Variants in RIPOR1 observed in about 807,000 individuals in gnomAD.
RIPOR1 encodes rho family-interacting cell polarization regulator 1.
A neutral mutation model predicts 116.5 loss-of-function variants in RIPOR1; 58 were observed. That is an observed-to-expected ratio of 0.50 (90% confidence interval 0.40 to 0.62). RIPOR1 has a LOEUF of 0.62. Among genes scored for constraint, RIPOR1 ranks in the 20% least tolerant of loss-of-function variants. The pLI, the probability that RIPOR1 is intolerant of heterozygous loss-of-function variation, is 0.00. For missense variants in RIPOR1, 1,372 were observed against 1,586.2 expected (o/e 0.86, Z 2.29); for synonymous variants, 605 against 650.0 (o/e 0.93, Z 1.05).
chr16:67,519,338 G>A (rs1306528594), intron 1 of RIPOR1, among the ~76,000 whole-genome samples: 3 of 151,838 alleles, frequency 2.0e-5, no homozygotes, highest in Non-Finnish European at 4.4e-5. Context: ...AGGTAGGGAA[G>A]GCAGGGTGTA....
In RIPOR1 at chr16:67,543,247, C is replaced by T. The variant is rs1479346068; in HGVS notation, c.2461C>T (p.Leu821=). The stretch of plus-strand genomic sequence containing the variant: ...GGGCCTGGAGCAGGAGGTGACCCGC[C>T]TAGAAAGTCTGCTCATGGTGAGGAG... The part of the protein sequence containing the change: ...LQGLEQEVTR[L]ESLLMQRQGL... Residue 821 remains leucine (L), a synonymous_variant, in exon 13 of 22, where the codon CTA becomes TTA. Coordinates refer to ENST00000042381, the MANE Select transcript of RIPOR1 (RefSeq NM_024519.4). The surrounding 1 kb of genome is among the most constrained non-coding windows in gnomAD (Gnocchi z 4.7). 1.3e-6 allele frequency: 2 copies of T among 1,595,508 alleles called. No individual in the cohort carries two copies. Among genetic ancestry groups the T allele is most frequent in the Non-Finnish European group, 8.6e-7 (1 of 1,169,560 alleles).
rs767487550 is a variant in RIPOR1 at position 67,544,844 on chromosome 16, G to A, written c.2869+14G>A. On this transcript the variant is annotated intron_variant, in intron 16 of 21. Coordinates refer to ENST00000042381, the MANE Select transcript of RIPOR1 (RefSeq NM_024519.4). This position sits in a 1 kb window ranked among gnomAD's most constrained non-coding sequence, Gnocchi z 5.1. ...CTGCCCAGGAAGGTAAAGGCCCTGG[G>A]GGTTCGGGCTCTGCCATCTGCCTTG... is the stretch of plus-strand genomic sequence containing the variant. 3 of 1,590,040 alleles carry A rather than the reference G, an allele frequency of 1.9e-6. No individual in the cohort carries two copies. The highest frequency in any genetic ancestry group is 2.6e-6 in the Non-Finnish European group (3 of 1,164,012).
rs773291011 is a variant in RIPOR1 at position 67,540,355 on chromosome 16, G to A, written c.623G>A (p.Arg208Gln). 8.7e-6 allele frequency: 14 copies of A among 1,614,044 alleles called. No homozygotes were observed. In the African/African-American group the frequency reaches 1.1e-4, roughly 12 times the overall value. ...GCACAGCTGGGCGAGTTTCATCTCC[G>A]AATGAAAGGTACTGAGTTGTGGGGG... ...LEAQLGEFHL[R>Q]MKGLAGFARL... The change falls in exon 8 of 22, where the codon CGA becomes CAA. Residue 208 changes from arginine to glutamine, a missense_variant. This residue lies in a region of RIPOR1 where 202 missense variants were observed against 295.9 expected (regional missense o/e 0.68). Coordinates refer to ENST00000042381, the MANE Select transcript of RIPOR1 (RefSeq NM_024519.4). The surrounding 1 kb of genome is among the most constrained non-coding windows in gnomAD (Gnocchi z 4.7).
Position 67,544,809 on chromosome 16 carries a change from C to G in RIPOR1, c.2848C>G (p.Pro950Ala). 6.3e-7 allele frequency: 1 copy of G among 1,595,926 alleles called. No homozygotes were observed. The highest frequency in any genetic ancestry group is 8.6e-7 in the Non-Finnish European group (1 of 1,166,876). The change falls in exon 16 of 22, where the codon CCG becomes GCG. Residue 950 changes from proline (P) to alanine (A), a missense_variant. This residue lies in a region of RIPOR1 where 1,005 missense variants were observed against 1,144.7 expected (regional missense o/e 0.88). Coordinates refer to ENST00000042381, the MANE Select transcript of RIPOR1 (RefSeq NM_024519.4). This position sits in a 1 kb window ranked among gnomAD's most constrained non-coding sequence, Gnocchi z 5.1. Reference protein sequence around the residue: ...VCEFSRRWEIPASSAQEVVQF... With the variant: ...VCEFSRRWEIAASSAQEVVQF... ...CGAGTTCAGCAGGCGGTGGGAGATC[C>G]CGGCCAGCTCTGCCCAGGAAGGTAA...
intron 1 of RIPOR1, among the ~76,000 whole-genome samples, chr16:67,532,739 A>T (rs2050693121): frequency 6.6e-6 from 1 of 152,168 alleles, no homozygotes; most frequent in South Asian, 2.1e-4. Context: ...AATAGGACTT[A>T]CCCCATAAGG....
In RIPOR1 at chr16:67,540,544, A is replaced by G. The variant is rs532852286; in HGVS notation, c.676-35A>G. ...GAAGGGCTGGGTCGGTAGGGTCCCA[A>G]CACCTAGGCTGCCTCATCCTACCTG... On this transcript the variant is annotated intron_variant, in intron 9 of 21. Transcript: ENST00000042381. The surrounding 1 kb of genome is among the most constrained non-coding windows in gnomAD (Gnocchi z 4.7). The G allele has an allele frequency of 3.0e-5, 49 of 1,613,988 alleles. No individual in the cohort carries two copies. Among genetic ancestry groups the G allele is most frequent in the Non-Finnish European group, 4.0e-5 (47 of 1,179,992 alleles).
At position 67,544,850 on chromosome 16, in the gene RIPOR1, G is replaced by A. The variant is rs747123949; in HGVS notation, c.2869+20G>A. On this transcript the variant is annotated intron_variant, in intron 16 of 21. Transcript: ENST00000042381. The surrounding 1 kb of genome is among the most constrained non-coding windows in gnomAD (Gnocchi z 5.1). ...AGGAAGGTAAAGGCCCTGGGGGTTC[G>A]GGCTCTGCCATCTGCCTTGAAGCTC... 47 of 1,589,498 alleles carry A rather than the reference G, an allele frequency of 3.0e-5. No homozygotes were observed. The highest frequency in any genetic ancestry group is 6.8e-5 in the East Asian group (3 of 44,390).
chr16:67,531,709 G>A lies in RIPOR1; in HGVS notation c.-24+2795G>A, dbSNP rs1597621582. On this transcript the variant is annotated intron_variant, in intron 1 of 21. Transcript: ENST00000042381. This position sits in a 1 kb window ranked among gnomAD's most constrained non-coding sequence, Gnocchi z 4.2. Reference sequence around the variant, plus strand: ...AGAGGAGTGGTTGAAAGAATGTGAGGGACAGGACAAATCCTGAAGGGCCTA... The same window carrying A: ...AGAGGAGTGGTTGAAAGAATGTGAGAGACAGGACAAATCCTGAAGGGCCTA... 4.7e-6 allele frequency: 2 copies of A among 426,404 alleles called. No individual in the cohort carries two copies. The highest frequency in any genetic ancestry group is 3.3e-5 in the South Asian group (2 of 60,410). 26.4% of individuals were successfully genotyped at this position (426,404 alleles called of 1,614,324 possible). A position where few individuals can be genotyped will look rare whatever the true frequency, so the allele number is the denominator to read the frequency against.
chr16:67,531,385 T>C lies in RIPOR1; in HGVS notation c.-24+2471T>C, dbSNP rs1246215324. Among the ~76,000 whole-genome samples, 1 of 150,860 alleles carries C rather than the reference T, an allele frequency of 6.6e-6. No individual in the cohort carries two copies. Among genetic ancestry groups the C allele is most frequent in the Non-Finnish European group, 1.5e-5 (1 of 67,748 alleles). ...AGCGCTGTGGTGAGCCAAGCAGATA[T>C]GCCCCAGGTCTCACAAGGTTCAGTC... is the stretch of plus-strand genomic sequence containing the variant. On this transcript the variant is annotated intron_variant, in intron 1 of 21. Coordinates refer to ENST00000042381, the MANE Select transcript of RIPOR1 (RefSeq NM_024519.4). The surrounding 1 kb of genome is among the most constrained non-coding windows in gnomAD (Gnocchi z 4.2).
At chr16:67,546,261 G>A in intron 21 of RIPOR1, 30 bp downstream of exon 21, 1 of 1,612,106 alleles carries the variant, frequency 6.2e-7, no homozygotes, top group African/African-American at 1.3e-5. Flanking sequence ...GAGATGGGTG[G>A]AGTTCTGGGA....
In RIPOR1 at chr16:67,545,407, G is replaced by A. The variant is rs756554055; in HGVS notation, c.3063G>A (p.Gly1021=). The A allele has an allele frequency of 3.1e-6, 5 of 1,614,036 alleles. No homozygotes were observed. Among genetic ancestry groups the A allele is most frequent in the Non-Finnish European group, 4.2e-6 (5 of 1,180,010 alleles). ...TGAAGTTCCTGGAGGATGCCCTGGG[G>A]CAGAAGCTGCCCAGAAGGCCCCAGC... The part of the protein sequence containing the change: ...VCVKFLEDAL[G]QKLPRRPQPG... The change falls in exon 18 of 22, where the codon GGG becomes GGA. Residue 1021 remains glycine (G), a synonymous_variant. Transcript: ENST00000042381. The surrounding 1 kb of genome is among the most constrained non-coding windows in gnomAD (Gnocchi z 4.8).
chr16:67,544,048 C>G lies in RIPOR1; in HGVS notation c.2601-251C>G, dbSNP rs1345789019. Among the ~76,000 whole-genome samples, 4 of 152,132 alleles carry G rather than the reference C, an allele frequency of 2.6e-5. No individual in the cohort carries two copies. The highest frequency in any genetic ancestry group is 9.7e-5 in the African/African-American group (4 of 41,422). On this transcript the variant is annotated intron_variant, in intron 14 of 21. Transcript: ENST00000042381. This position sits in a 1 kb window ranked among gnomAD's most constrained non-coding sequence, Gnocchi z 5.1. ...TAAACCATCCCGCCTGCAGCCTACTCCTACCCATGCCATCCCCAGTGGTCC... is the reference window on the plus strand; with the variant it reads ...TAAACCATCCCGCCTGCAGCCTACTGCTACCCATGCCATCCCCAGTGGTCC...
Position 67,546,130 on chromosome 16 carries a change from TC to T in RIPOR1, c.3472-7del. On this transcript the variant is annotated splice_polypyrimidine_tract_variant and intron_variant, in intron 20 of 21. Coordinates refer to ENST00000042381, the MANE Select transcript of RIPOR1 (RefSeq NM_024519.4). The stretch of plus-strand genomic sequence containing the variant: ...CCCCTGAGCCCACCTCAATGCTCCC[TC>T]CCCTGACAGGCTCCCGAGGGCATTG... The T allele has an allele frequency of 6.7e-7, 1 of 1,503,102 alleles. No homozygotes were observed. The highest frequency in any genetic ancestry group is 1.5e-5 in the African/African-American group (1 of 67,064). The allele number at this position is 1,503,102 out of a possible 1,614,324, so 93.1% of individuals were successfully genotyped here.
Position 67,537,628 on chromosome 16 carries a change from A to G in RIPOR1, c.-23-796A>G. 2.2e-6 allele frequency: 3 copies of G among 1,363,798 alleles called. No individual in the cohort carries two copies. Among genetic ancestry groups the G allele is most frequent in the African/African-American group, 1.5e-5 (1 of 66,538 alleles). 84.5% of individuals were successfully genotyped at this position (1,363,798 alleles called of 1,614,324 possible). A position where few individuals can be genotyped will look rare whatever the true frequency, so the allele number is the denominator to read the frequency against. On this transcript the variant is annotated intron_variant, in intron 1 of 21. Coordinates refer to ENST00000042381, the MANE Select transcript of RIPOR1 (RefSeq NM_024519.4). The surrounding 1 kb of genome is among the most constrained non-coding windows in gnomAD (Gnocchi z 4.6). ...ACCCAGCTCGGGGCTGCGAAAGCTC[A>G]GGGACTGGCCCCAGGGGAAGCAGGC...
chr16:67,542,125 A>C lies in RIPOR1; in HGVS notation c.1339A>C (p.Thr447Pro). ...AAATGGGCATGCACCCTACAGTCGG[A>C]CTCTGAGCCACATCAGTGAGGCTAG... ...LANGHAPYSR[T>P]LSHISEASVD... Residue 447 changes from threonine to proline, a missense_variant, in exon 13 of 22, where the codon ACT becomes CCT. This residue lies in a region of RIPOR1 where 1,005 missense variants were observed against 1,144.7 expected (regional missense o/e 0.88). Transcript: ENST00000042381. The surrounding 1 kb of genome is among the most constrained non-coding windows in gnomAD (Gnocchi z 4.6). 1 of 1,613,290 alleles carries C rather than the reference A, an allele frequency of 6.2e-7. No homozygotes were observed.
In RIPOR1 at chr16:67,531,369, G is replaced by C. The variant is rs903514754; in HGVS notation, c.-24+2455G>C. Among the ~76,000 whole-genome samples, 1 of 151,546 alleles carries C rather than the reference G, an allele frequency of 6.6e-6. No individual in the cohort carries two copies. The highest frequency in any genetic ancestry group is 2.4e-5 in the African/African-American group (1 of 41,156). On this transcript the variant is annotated intron_variant, in intron 1 of 21. Coordinates refer to ENST00000042381, the MANE Select transcript of RIPOR1 (RefSeq NM_024519.4). The surrounding 1 kb of genome is among the most constrained non-coding windows in gnomAD (Gnocchi z 4.2). ...GCTACAGGACCCCCAGAGCGCTGTGGTGAGCCAAGCAGATATGCCCCAGGT... is the reference window on the plus strand; with the variant it reads ...GCTACAGGACCCCCAGAGCGCTGTGCTGAGCCAAGCAGATATGCCCCAGGT...
chr16:67,540,659 A>G lies in RIPOR1; in HGVS notation c.756A>G (p.Glu252=), dbSNP rs2050953502. Residue 252 remains glutamate, a synonymous_variant, in exon 10 of 22, where the codon GAA becomes GAG. Transcript: ENST00000042381. This position sits in a 1 kb window ranked among gnomAD's most constrained non-coding sequence, Gnocchi z 4.7. ...EGSGKQVWDS[E]ETIFLPLLTE... is the part of the protein sequence containing the mutation. ...GTGGAAAGCAGGTGTGGGACAGTGAAGAAACCATCTTTCTCCCTCTACTCA... is the reference window on the plus strand; with the variant it reads ...GTGGAAAGCAGGTGTGGGACAGTGAGGAAACCATCTTTCTCCCTCTACTCA... 6.2e-7 allele frequency: 1 copy of G among 1,612,452 alleles called. No individual in the cohort carries two copies. Among genetic ancestry groups the G allele is most frequent in the African/African-American group, 1.3e-5 (1 of 74,852 alleles).
chr16:67,538,777 G>C lies in RIPOR1; in HGVS notation c.210G>C (p.Gln70His). The C allele has an allele frequency of 6.2e-7, 1 of 1,613,516 alleles. No individual in the cohort carries two copies. Residue 70 changes from glutamine (Q) to histidine (H), a missense_variant, in exon 3 of 22, where the codon CAG (glutamine) becomes CAC (histidine). By Grantham distance (24) the Gln-to-His change is conservative (BLOSUM62 0). Transcript: ENST00000042381. ...CTCACCCAGCCGCCAAGGTGCCGCA[G>C]CCCGAGCGGCTGGACCTGGTGTACA... ...SVAHPAAKVP[Q>H]PERLDLVYTA...
upstream of RIPOR1, chr16:67,528,608 G>A (rs1258401062): frequency 6.6e-6 from 1 of 152,260 alleles, no homozygotes; most frequent in African/African-American, 2.4e-5. Flanking sequence ...ACCGTTTTAG[G>A]GTCTGCGTGA....
Sources: allele counts gnomAD v4.1 joint callset (sites outside exome capture counted in the v4.1 genomes callset), GRCh38; gene constraint gnomAD v4.1.1; regional missense constraint gnomAD v4.1.1; non-coding constraint Gnocchi (gnomAD v3.1); transcripts MANE v1.5; gene names NCBI Gene and HGNC (gene_info 2026-07-23, HGNC 2026-07-21).